The following ZP3 variants were observed in gnomAD, a reference collection of about 807,000 sequenced individuals.
ZP3 encodes the protein zona pellucida sperm-binding protein 3.
Under a neutral mutation model 35.6 loss-of-function variants are expected in ZP3, and 21 were observed. The ratio of observed to expected loss-of-function variants is 0.59; its 90% CI spans 0.42 to 0.85. The LOEUF (loss-of-function observed/expected upper bound fraction) is 0.85. Among genes scored for constraint, ZP3 ranks in the 40% least tolerant of loss-of-function variants. ZP3 has a pLI of 0.00. For synonymous variants in ZP3, 207 were observed against 214.5 expected (o/e 0.96, Z 0.31); for missense variants, 437 against 536.5 (o/e 0.81, Z 1.83).
exon 1 of ZP3, chr7:76,397,630 C>G (rs1804681409): frequency 6.2e-7 from 1 of 1,613,436 alleles, no homozygotes; most frequent in Non-Finnish European, 8.5e-7. Context: ...CGTTGTCCAG[C>G]AGGATGTGTC....
chr7:76,397,641 C>G (rs868837659), exon 1 of ZP3: 6 of 1,613,622 alleles, frequency 3.7e-6, no homozygotes, highest in Non-Finnish European at 5.1e-6. Context: ...AGGATGTGTC[C>G]GGTGCCATAG....
At chr7:76,427,047 CCT>C (rs1334896236) in intron 1 of ZP3, among the ~76,000 whole-genome samples, 3 of 151,610 alleles carry the variant, frequency 2.0e-5, no homozygotes, top group Non-Finnish European at 4.4e-5. Context: ...AGAGCAAGAC[CCT>C]CTTTTATTAA....
chr7:76,423,029 A>AGAGAGAGAGAG (rs767704641), upstream of ZP3, among the ~76,000 whole-genome samples: 469 of 55,308 alleles, frequency 8.5e-3, 4 homozygotes, highest in African/African-American at 0.013. Flanking sequence ...GAGAGAGAGA[A>AGAGAGAGAGAG]AGAAAGAAAG....
At chr7:76,398,844 C>G (rs778396502) in intron 1 of ZP3, 1 of 1,598,626 alleles carries the variant, frequency 6.3e-7, no homozygotes, top group Admixed American at 1.7e-5. Flanking sequence ...GTTCTCCATC[C>G]TCACACCACG....
At chr7:76,426,090 A>G (rs1187843378) in intron 1 of ZP3, among the ~76,000 whole-genome samples, 1 of 151,870 alleles carries the variant, frequency 6.6e-6, no homozygotes, top group Non-Finnish European at 1.5e-5. Context: ...CTCAAAAAAA[A>G]AAAAAAAATT....
At position 76,404,702 on chromosome 7, in the gene ZP3, G is replaced by A. The variant is rs536331726; in HGVS notation, c.-67+6905G>A. On this transcript the variant is annotated intron_variant, in intron 1 of 8. Transcript: ENST00000336517. The stretch of plus-strand genomic sequence containing the variant: ...TCCCAGCACTTTGGGAGGCTGAGGC[G>A]GGTGGATCGCTTGAACCCAGGAGAT... Among the ~76,000 whole-genome samples the A allele has an allele frequency of 9.3e-5, 14 of 151,166 alleles. No individual in the cohort carries two copies. The South Asian group carries it at 2.5e-3, about 27-fold the overall frequency.
chr7:76,402,913 C>T (rs987862479), intron 1 of ZP3, among the ~76,000 whole-genome samples: 9 of 151,980 alleles, frequency 5.9e-5, no homozygotes, highest in African/African-American at 1.7e-4. Flanking sequence ...GTGATCCATC[C>T]GCCTCAGCCT....
rs373904061 is a variant in ZP3 at position 76,424,985 on chromosome 7, C to T, written c.21C>T (p.Leu7=). The T allele has an allele frequency of 5.2e-6, 8 of 1,547,128 alleles. No homozygotes were observed. Among genetic ancestry groups the T allele is most frequent in the East Asian group, 2.4e-5 (1 of 41,150 alleles). ...GTACCATGGAGCTGAGCTATAGGCT[C>T]TTCATCTGCCTCCTGCTCTGGGGTA... The part of the protein sequence containing the change: MELSYR[L]FICLLLWGST... The change falls in exon 1 of 8, where the codon CTC becomes CTT. Residue 7 remains leucine (L), a synonymous_variant. Transcript: ENST00000394857.
In ZP3 at chr7:76,440,529, CTG is replaced by C; in HGVS notation, c.981_982del (p.Cys327TrpfsTer23). Reference protein sequence around the residue: ...DICQCCNKGDCGTPSHSRRQP... With the variant: ...DICQCCNKGDXGTPSHSRRQP... ...TCTGTCAATGCTGTAACAAAGGTGA[CTG>C]TGGCACTCCAAGCCATTCCAGGAGG... On this transcript the variant is annotated frameshift_variant, in exon 7 of 8. Coordinates refer to ENST00000394857, the MANE Select transcript of ZP3 (RefSeq NM_001110354.2). LOFTEE classifies it high-confidence loss of function. 1.9e-6 allele frequency: 3 copies of C among 1,614,232 alleles called. No homozygotes were observed. The highest frequency in any genetic ancestry group is 2.5e-6 in the Non-Finnish European group (3 of 1,180,040).
rs1554626373 is a variant in ZP3, at chr7:76,437,659, G to GCA, written c.832-2591_832-2590insCA. Among the ~76,000 whole-genome samples, 3 of 98,092 alleles carry GCA rather than the reference G, an allele frequency of 3.1e-5. No individual in the cohort carries two copies. The East Asian group carries it at 9.7e-4, about 32-fold the overall frequency. 64.4% of individuals were successfully genotyped at this position (98,092 alleles called of 152,430 possible). On this transcript the variant is annotated intron_variant, in intron 5 of 7. Transcript: ENST00000394857. Reference sequence around the variant, plus strand: ...CTGCCACCATGCCCAGCTAATTTCTGTATTTTTTTTTTTTTTTTTAGTAGA... The same window carrying GCA: ...CTGCCACCATGCCCAGCTAATTTCTGCATATTTTTTTTTTTTTTTTTAGTAGA...
At chr7:76,399,896 C>T (rs547272182) in intron 1 of ZP3, among the ~76,000 whole-genome samples, 7 of 152,170 alleles carry the variant, frequency 4.6e-5, no homozygotes, top group African/African-American at 1.2e-4. Flanking sequence ...GCTACTGAGG[C>T]GGGAGAATCC....
At position 76,432,187 on chromosome 7, in the gene ZP3, TTTTC is replaced by T. The variant is rs1365366928; in HGVS notation, c.432-736_432-733del. 7.4e-5 allele frequency among the ~76,000 whole-genome samples: 11 copies of T among 149,076 alleles called. No homozygotes were observed. In the East Asian group the frequency reaches 1.9e-3, roughly 26 times the overall value. ...TACTACTATGCCCAGCTATCTTTTC[TTTTC>T]TTTTCTTTTTTTTTTGAGATGGAGT... is the stretch of plus-strand genomic sequence containing the variant. On this transcript the variant is annotated intron_variant, in intron 2 of 7. Transcript: ENST00000394857.
At chr7:76,402,305 G>A (rs550921798) in intron 1 of ZP3, among the ~76,000 whole-genome samples, 14 of 150,076 alleles carry the variant, frequency 9.3e-5, no homozygotes, top group African/African-American at 3.2e-4. Context: ...TCAGCCTCCC[G>A]AGTAATTGGG....
chr7:76,414,359 G>A (rs939623034), intron 1 of ZP3, among the ~76,000 whole-genome samples: 1 of 152,074 alleles, frequency 6.6e-6, no homozygotes, highest in Non-Finnish European at 1.5e-5. Context: ...ACCACCTCAA[G>A]GTGTGATAAA....
chr7:76,413,691 C>G (rs959816721), intron 1 of ZP3, among the ~76,000 whole-genome samples: 2 of 152,024 alleles, frequency 1.3e-5, no homozygotes, highest in Non-Finnish European at 2.9e-5. Flanking sequence ...TTTTTTGAGA[C>G]AAGTTCTCCC....
intron 1 of ZP3, among the ~76,000 whole-genome samples, chr7:76,410,994 C>CAAAA (rs1365590792): frequency 1.6e-5 from 1 of 61,066 alleles, no homozygotes; most frequent in African/African-American, 6.2e-5. Context: ...GACTCCATCT[C>CAAAA]AAAAGAAAAA....
chr7:76,421,230 C>T (rs137945929), upstream of ZP3, among the ~76,000 whole-genome samples: 461 of 151,858 alleles, frequency 3.0e-3, 4 homozygotes, highest in Non-Finnish European at 5.3e-3. Context: ...CACTGCGCCC[C>T]GCCATTTCCA....
At chr7:76,426,354 G>GT (rs1490914006) in intron 1 of ZP3, among the ~76,000 whole-genome samples, 1 of 152,206 alleles carries the variant, frequency 6.6e-6, no homozygotes, top group African/African-American at 2.4e-5. Context: ...CCTGGACCAA[G>GT]TTCCTGTGGT....
chr7:76,406,016 C>T (rs147634342), intron 1 of ZP3, among the ~76,000 whole-genome samples: 230 of 150,628 alleles, frequency 1.5e-3, no homozygotes, highest in African/African-American at 5.3e-3. Context: ...GATGGAGTCT[C>T]GCTCTGTCGT....
Sources: allele counts gnomAD v4.1 joint callset (sites outside exome capture counted in the v4.1 genomes callset), GRCh38; gene constraint gnomAD v4.1.1; transcripts MANE v1.5; gene names NCBI Gene and HGNC (gene_info 2026-07-23, HGNC 2026-07-21).